The following TRARG1 variants were observed in gnomAD, a reference collection of about 807,000 sequenced individuals.
TRARG1 encodes the protein trafficking regulator of GLUT4 (SLC2A4) 1 (gene/pseudogene).
A neutral mutation model predicts 13.3 loss-of-function variants in TRARG1; 16 were observed. The observed-to-expected ratio is 1.20, with a 90% confidence interval of 0.81 to 1.83. TRARG1 has a LOEUF of 1.83. Ranked by LOEUF, TRARG1 falls within the 40% of genes most tolerant of loss-of-function variation. The probability of loss-of-function intolerance (pLI) is 0.00; values close to 1 mark genes in which losing one functional copy is unlikely to be tolerated. For synonymous variants in TRARG1, 113 were observed against 106.2 expected, an observed-to-expected ratio of 1.06 and a Z score of -0.39; for missense variants, 250 against 237.4, an observed-to-expected ratio of 1.05 and a Z score of -0.35.
At chr17:1,295,432 C>A (rs942533174) in intron 1 of TRARG1, 59 bp from the exon 2 acceptor site, 1 of 1,535,708 alleles carries the variant, frequency 6.5e-7, no homozygotes, top group Non-Finnish European at 8.7e-7. Flanking sequence ...CTGCTGAGGC[C>A]CATGAAGCTG....
chr17:1,296,232 T>C (rs533430028), intron 2 of TRARG1, among the ~76,000 whole-genome samples: 1 of 152,306 alleles, frequency 6.6e-6, no homozygotes, highest in South Asian at 2.1e-4. Flanking sequence ...GTTTCACTCT[T>C]GTTGCCCAGG....
chr17:1,286,604 A>G (rs796111204), intron 1 of TRARG1, among the ~76,000 whole-genome samples: 15,935 of 65,076 alleles, frequency 0.24, 1,541 homozygotes, highest in African/African-American at 0.38. Flanking sequence ...GTGGGGTGTT[A>G]TTGGCCTGTG....
Position 1,293,586 on chromosome 17 carries a change from G to A in TRARG1, c.388-1905G>A, listed in dbSNP as rs78101699. On this transcript the variant is annotated intron_variant, in intron 1 of 2. Coordinates refer to ENST00000333813, the MANE Select transcript of TRARG1 (RefSeq NM_172367.3). Reference sequence around the variant, plus strand: ...GTCGTGGGTTGGGTTTGATGATGTCGTGGGTTGAGTTTGATGATGTCGTGG... The same window carrying A: ...GTCGTGGGTTGGGTTTGATGATGTCATGGGTTGAGTTTGATGATGTCGTGG... 9.6e-5 allele frequency among the ~76,000 whole-genome samples: 4 copies of A among 41,854 alleles called. 1 individual carries two copies. The highest frequency in any genetic ancestry group is 3.2e-4 in the African/African-American group (2 of 6,316). The allele number at this position is 41,854 out of a possible 152,430, so 27.5% of individuals were successfully genotyped here.
At chr17:1,294,492 C>A (rs2072096730) in intron 1 of TRARG1, among the ~76,000 whole-genome samples, 1 of 47,176 alleles carries the variant, frequency 2.1e-5, no homozygotes, top group African/African-American at 1.2e-4. Flanking sequence ...TTTTTTGAGG[C>A]AGTCTCACTG....
intron 1 of TRARG1, among the ~76,000 whole-genome samples, chr17:1,284,641 G>A (rs964173306): frequency 1.1e-4 from 17 of 152,042 alleles, no homozygotes; most frequent in African/African-American, 4.1e-4. Context: ...AGTAGTAGAG[G>A]ACGGTCAGGC....
chr17:1,291,193 T>C (rs2072066840), intron 1 of TRARG1, among the ~76,000 whole-genome samples: 1 of 150,834 alleles, frequency 6.6e-6, no homozygotes. Flanking sequence ...TCACTGCAAC[T>C]TCCGCCTCCC....
rs918872638 is a variant in TRARG1 at position 1,279,901 on chromosome 17, A to T, written c.-101A>T. On this transcript the variant is annotated 5_prime_UTR_variant, in exon 1 of 3. Transcript: ENST00000333813. ...CTCCTGAGGGACGCCCCTGCCCCCG[A>T]CCTGGAGGCCCTCAGTCTGGGCTGG... 4 of 1,412,850 alleles carry T rather than the reference A, an allele frequency of 2.8e-6. No homozygotes were observed. Among genetic ancestry groups the T allele is most frequent in the Non-Finnish European group, 3.8e-6 (4 of 1,053,218 alleles). The allele number at this position is 1,412,850 out of a possible 1,614,324, so 87.5% of individuals were successfully genotyped here.
intron 1 of TRARG1, among the ~76,000 whole-genome samples, chr17:1,286,535 T>TTTC (rs1406742059): frequency 7.2e-6 from 1 of 137,990 alleles, no homozygotes; most frequent in African/African-American, 2.9e-5. Context: ...GGGGTGTTGT[T>TTTC]GGCCTGTGGG....
At chr17:1,287,781 C>T (rs1874238538) in intron 1 of TRARG1, among the ~76,000 whole-genome samples, 2 of 152,050 alleles carry the variant, frequency 1.3e-5, no homozygotes, top group African/African-American at 2.4e-5. Flanking sequence ...GCCTCCCGAG[C>T]AGCCGGGACT....
At chr17:1,283,290 C>T (rs2071997036) in intron 1 of TRARG1, among the ~76,000 whole-genome samples, 1 of 152,132 alleles carries the variant, frequency 6.6e-6, no homozygotes, top group African/African-American at 2.4e-5. Flanking sequence ...ACACCCAGTG[C>T]TTCAGAACAA....
chr17:1,298,256 A>G lies in TRARG1; in HGVS notation c.526A>G (p.Lys176Glu), dbSNP rs746565517. The change falls in exon 3 of 3, where the codon AAG becomes GAG. Residue 176 changes from lysine (K) to glutamate (E), a missense_variant. Lys to Glu is a moderately conservative substitution (Grantham distance 56). Coordinates refer to ENST00000333813, the MANE Select transcript of TRARG1 (RefSeq NM_172367.3). ...TCTGTTTTTTTTCTTTACAGTTCAG[A>G]AGAAATAAACTTAAGCAGGGAGCTG... The part of the protein sequence containing the change: ...VAVTVNFTVQ[K>E]K 9 of 1,613,718 alleles carry G rather than the reference A, an allele frequency of 5.6e-6. No individual in the cohort carries two copies. Among genetic ancestry groups the G allele is most frequent in the Non-Finnish European group, 7.6e-6 (9 of 1,179,818 alleles).
intron 1 of TRARG1, among the ~76,000 whole-genome samples, chr17:1,294,750 A>G (rs2072098811): frequency 6.6e-6 from 1 of 150,882 alleles, no homozygotes; most frequent in African/African-American, 2.4e-5. Flanking sequence ...CAGTGGCACA[A>G]TCTTGGCTCA....
Position 1,279,861 on chromosome 17 carries a change from C to G in TRARG1, c.-141C>G. On this transcript the variant is annotated 5_prime_UTR_variant, in exon 1 of 3. Transcript: ENST00000333813. ...AGCTCAGCCCAACCCTTCCAGCACC[C>G]AGCCGGCCCTCCGTCTCCTGAGGGA... 1 of 979,256 alleles carries G rather than the reference C, an allele frequency of 1.0e-6. No homozygotes were observed. Among genetic ancestry groups the G allele is most frequent in the Non-Finnish European group, 1.5e-6 (1 of 686,970 alleles). The allele number at this position is 979,256 out of a possible 1,614,324, so 60.7% of individuals were successfully genotyped here.
At chr17:1,293,779 G>A (rs1452769983) in intron 1 of TRARG1, among the ~76,000 whole-genome samples, 1 of 152,134 alleles carries the variant, frequency 6.6e-6, no homozygotes, top group African/African-American at 2.4e-5. Flanking sequence ...GCAGGGCTGG[G>A]TGCAGGCTGG....
At chr17:1,292,940 C>CGG (rs2072083151) in intron 1 of TRARG1, among the ~76,000 whole-genome samples, 1 of 152,018 alleles carries the variant, frequency 6.6e-6, no homozygotes. Flanking sequence ...CAGTGTGAAT[C>CGG]GGGGGCGTGG....
At position 1,280,313 on chromosome 17, in the gene TRARG1, C is replaced by T. The variant is rs2071963788; in HGVS notation, c.312C>T (p.Tyr104=). 2.5e-6 allele frequency: 4 copies of T among 1,613,876 alleles called. No individual in the cohort carries two copies. The highest frequency in any genetic ancestry group is 1.7e-4 in the Middle Eastern group (1 of 6,060). The change falls in exon 1 of 3, where the codon TAC becomes TAT. Residue 104 remains tyrosine, a synonymous_variant. Transcript: ENST00000333813. ...AAGACCAAGAAGCCCCCAGAGATTA[C>T]CTCATCCTGGCCGTCGTCGCCTGCT... is the stretch of plus-strand genomic sequence containing the variant. ...YAQDQEAPRD[Y]LILAVVACFC... is the part of the protein sequence containing the mutation.
chr17:1,293,673 C>A (rs1598194397), intron 1 of TRARG1, among the ~76,000 whole-genome samples: 2 of 151,892 alleles, frequency 1.3e-5, no homozygotes, highest in African/African-American at 2.4e-5. Flanking sequence ...TTGATGATGT[C>A]ATGAGTTGAG....
At chr17:1,282,305 C>CATATATGTACGTATATGTACAT (rs757719241) in intron 1 of TRARG1, among the ~76,000 whole-genome samples, 1 of 149,734 alleles carries the variant, frequency 6.7e-6, no homozygotes, top group Non-Finnish European at 1.5e-5. Flanking sequence ...CGTATATGTA[C>CATATATGTACGTATATGTACAT]ATATGCGTAT....
In TRARG1 at chr17:1,282,003, T is replaced by C. The variant is rs138448453; in HGVS notation, c.387+1615T>C. On this transcript the variant is annotated intron_variant, in intron 1 of 2. Coordinates refer to ENST00000333813, the MANE Select transcript of TRARG1 (RefSeq NM_172367.3). ...ACATATATGTACATATATACAGATA[T>C]ACACATATGTACATATACATATGTA... 1.2e-3 allele frequency among the ~76,000 whole-genome samples: 186 copies of C among 150,404 alleles called. 2 individuals carry two copies. The highest frequency in any genetic ancestry group is 4.1e-3 in the African/African-American group (167 of 40,394).
Sources: gnomAD v4.1 joint callset for allele counts (sites outside exome capture counted in the v4.1 genomes callset) on GRCh38, gnomAD v4.1.1 for gene constraint, MANE v1.5 for transcripts, NCBI Gene and HGNC (gene_info 2026-07-23, HGNC 2026-07-21) for gene names.